RNF144A: variants seen among roughly 807,000 people sequenced by gnomAD.
The protein encoded by RNF144A is ring finger protein 144A.
RNF144A carries 11 observed loss-of-function variants against 38.7 expected under a neutral mutation model. The ratio of observed to expected loss-of-function variants is 0.28; its 90% CI spans 0.18 to 0.47. The LOEUF (loss-of-function observed/expected upper bound fraction) is 0.47. Among genes scored for constraint, RNF144A ranks in the 20% least tolerant of loss-of-function variants. The pLI is 0.99. For synonymous variants in RNF144A, 149 were observed against 143.9 expected (o/e 1.04, Z -0.25); for missense variants, 316 against 377.2 (o/e 0.84, Z 1.34).
intron 2 of RNF144A, among the ~76,000 whole-genome samples, chr2:6,984,041 C>A (rs1208406256): frequency 3.3e-5 from 5 of 152,186 alleles, no homozygotes; most frequent in African/African-American, 1.2e-4. Context: ...GCAGTTACCT[C>A]CCAATGGGCC....
intron 2 of RNF144A, among the ~76,000 whole-genome samples, chr2:6,967,820 T>G (rs1184610111): frequency 6.6e-6 from 1 of 152,204 alleles, no homozygotes; most frequent in Non-Finnish European, 1.5e-5. Context: ...CCTTTTTTTT[T>G]AATGTGTAAA....
chr2:7,055,103 A>G (rs1002173879), intron 6 of RNF144A, among the ~76,000 whole-genome samples: 10 of 152,084 alleles, frequency 6.6e-5, no homozygotes, highest in African/African-American at 2.4e-4. Flanking sequence ...ACTGTCCTGT[A>G]GCTCTCACTC....
At chr2:7,008,170 C>CT (rs1386980505) in intron 3 of RNF144A, among the ~76,000 whole-genome samples, 1 of 152,256 alleles carries the variant, frequency 6.6e-6, no homozygotes, top group East Asian at 1.9e-4. Flanking sequence ...TCTTCAGAGC[C>CT]TATCACTGCC....
At chr2:7,056,196 C>T (rs980952324) in intron 6 of RNF144A, among the ~76,000 whole-genome samples, 3 of 152,056 alleles carry the variant, frequency 2.0e-5, no homozygotes, top group Non-Finnish European at 2.9e-5. Context: ...TCATGGTGGC[C>T]GTTCTGATCT....
intron 1 of RNF144A, among the ~76,000 whole-genome samples, chr2:6,919,834 T>G (rs1295890813): frequency 6.6e-6 from 1 of 152,232 alleles, no homozygotes; most frequent in Non-Finnish European, 1.5e-5. Flanking sequence ...GAAGAGGAAC[T>G]AATGAAGGGC....
At position 7,039,625 on chromosome 2, in the gene RNF144A, C is replaced by A. The variant is rs756194391; in HGVS notation, c.748-4C>A. On this transcript the variant is annotated splice_region_variant and splice_polypyrimidine_tract_variant and intron_variant, in intron 8 of 8. Coordinates refer to ENST00000320892, the MANE Select transcript of RNF144A (RefSeq NM_014746.6). ...ACCTCTACCCCTTTGTTTCTTTCTT[C>A]CAGGTTGTGGGCATTTTTGCAGGAT... 1 of 1,613,756 alleles carries A rather than the reference C, an allele frequency of 6.2e-7. No homozygotes were observed. Among genetic ancestry groups the A allele is most frequent in the African/African-American group, 1.3e-5 (1 of 74,866 alleles).
intron 6 of RNF144A, among the ~76,000 whole-genome samples, chr2:7,023,462 C>T (rs1671666213): frequency 6.6e-6 from 1 of 152,142 alleles, no homozygotes; most frequent in African/African-American, 2.4e-5. Flanking sequence ...TGCATTTTCT[C>T]CTGCTGATGT....
chr2:6,934,100 A>T (rs1572211583), intron 1 of RNF144A, among the ~76,000 whole-genome samples: 1 of 152,198 alleles, frequency 6.6e-6, no homozygotes, highest in South Asian at 2.1e-4. Context: ...ATTTTCCAAA[A>T]TGACATCTAC....
intron 6 of RNF144A, among the ~76,000 whole-genome samples, chr2:7,051,857 C>A (rs1250795050): frequency 6.6e-6 from 1 of 152,138 alleles, no homozygotes; most frequent in Non-Finnish European, 1.5e-5. Flanking sequence ...CTGGCTGCTC[C>A]ACTCCGGTCT....
intron 8 of RNF144A, among the ~76,000 whole-genome samples, chr2:7,036,706 T>G (rs994105173): frequency 6.6e-6 from 1 of 152,246 alleles, no homozygotes; most frequent in African/African-American, 2.4e-5. Flanking sequence ...GATTCTGAAC[T>G]TGTCTGTGCC....
At chr2:6,984,743 T>C (rs549454991) in intron 2 of RNF144A, among the ~76,000 whole-genome samples, 1 of 152,392 alleles carries the variant, frequency 6.6e-6, no homozygotes, top group East Asian at 1.9e-4. Context: ...ATTGTATTTA[T>C]CTTTTCCTGA....
Position 6,994,721 on chromosome 2 carries a change from T to C in RNF144A, c.-11-2195T>C, listed in dbSNP as rs533498427. Among the ~76,000 whole-genome samples, 10 of 152,332 alleles carry C rather than the reference T, an allele frequency of 6.6e-5. No homozygotes were observed. In the South Asian group the frequency reaches 2.1e-3, roughly 32 times the overall value. Reference sequence around the variant, plus strand: ...AAGTGCTAGCCAGTCCAGAGGAATTTGTGTCAAAGAGTCCTTTTGTAACAG... The same window carrying C: ...AAGTGCTAGCCAGTCCAGAGGAATTCGTGTCAAAGAGTCCTTTTGTAACAG... On this transcript the variant is annotated intron_variant, in intron 2 of 8. Transcript: ENST00000320892.
At position 6,996,953 on chromosome 2, in the gene RNF144A, C is replaced by G. The variant is rs1245378486; in HGVS notation, c.27C>G (p.Thr9=). Residue 9 remains threonine (T), a synonymous_variant, in exon 3 of 9, where the codon ACC becomes ACG. Transcript: ENST00000320892. ...TGACCACAACAAGGTACCGGCCCAC[C>G]TGGGACCTGGCCCTCGACCCGCTGG... MTTTRYRP[T]WDLALDPLVS... The G allele has an allele frequency of 6.2e-7, 1 of 1,613,982 alleles. No individual in the cohort carries two copies. The highest frequency in any genetic ancestry group is 2.2e-5 in the East Asian group (1 of 44,880).
At chr2:6,945,144 G>T (rs564835673) in intron 2 of RNF144A, among the ~76,000 whole-genome samples, 1 of 152,364 alleles carries the variant, frequency 6.6e-6, no homozygotes, top group South Asian at 2.1e-4. Context: ...TGGCCGGCTC[G>T]TTGATGGTCT....
rs1671250807 is a variant in RNF144A at position 7,017,991 on chromosome 2, C to T, written c.302-2482C>T. Among the ~76,000 whole-genome samples the T allele has an allele frequency of 3.9e-5, 6 of 152,222 alleles. No homozygotes were observed. The South Asian group carries it at 1.2e-3, about 31-fold the overall frequency. The stretch of plus-strand genomic sequence containing the variant: ...GTTCCCATGGAAACCTTAGCCAGGT[C>T]TCCCCTGTGTGCTATCCTGGGGGGC... On this transcript the variant is annotated intron_variant, in intron 5 of 8. Coordinates refer to ENST00000320892, the MANE Select transcript of RNF144A (RefSeq NM_014746.6).
downstream of RNF144A, among the ~76,000 whole-genome samples, chr2:7,070,355 G>A (rs115040156): frequency 3.1e-3 from 479 of 152,150 alleles, 8 homozygotes; most frequent in African/African-American, 0.011. Context: ...ATTTTTTGTA[G>A]AGAAGGGGTT....
At chr2:6,938,043 G>A in intron 1 of RNF144A, among the ~76,000 whole-genome samples, 1 of 152,180 alleles carries the variant, frequency 6.6e-6, no homozygotes, top group East Asian at 1.9e-4. Context: ...GAGAGAAAGA[G>A]GCAGTTGAAT....
At chr2:6,991,616 A>T (rs139867080) in intron 2 of RNF144A, among the ~76,000 whole-genome samples, 2 of 152,272 alleles carry the variant, frequency 1.3e-5, no homozygotes, top group East Asian at 3.9e-4. Flanking sequence ...AGGTTACCCT[A>T]ATCCTCTCCG....
At position 7,042,352 on chromosome 2, in the gene RNF144A, T is replaced by C. The variant is rs959444845; in HGVS notation, c.*2592T>C. 4.1e-6 allele frequency: 4 copies of C among 985,344 alleles called. No individual in the cohort carries two copies. The African/African-American group carries it at 7.0e-5, about 17-fold the overall frequency. 61.0% of individuals were successfully genotyped at this position (985,344 alleles called of 1,614,324 possible). On this transcript the variant is annotated 3_prime_UTR_variant, in exon 9 of 9. Transcript: ENST00000320892. ...GTTCTGCGTTGAGTGGACGGACTTATTCCTGTGAAGCGGCATAATTTGTCT... is the reference window on the plus strand; with the variant it reads ...GTTCTGCGTTGAGTGGACGGACTTACTCCTGTGAAGCGGCATAATTTGTCT...
Sources: allele counts gnomAD v4.1 joint callset (sites outside exome capture counted in the v4.1 genomes callset), GRCh38; gene constraint gnomAD v4.1.1; transcripts MANE v1.5; gene names NCBI Gene and HGNC (gene_info 2026-07-23, HGNC 2026-07-21).